The following CSMD1 variants were observed in gnomAD, a reference collection of about 807,000 sequenced individuals.
CSMD1 encodes the protein CUB and Sushi multiple domains 1, also known as CUB and sushi domain-containing protein 1.
CSMD1 carries 213 observed loss-of-function variants against 417.5 expected under a neutral mutation model. The ratio of observed to expected loss-of-function variants is 0.51; its 90% CI spans 0.46 to 0.57. The LOEUF is 0.57. Among genes scored for constraint, CSMD1 ranks in the 20% least tolerant of loss-of-function variants. CSMD1 has a pLI of 0.00. For synonymous variants in CSMD1, 2,862 were observed against 1,736.8 expected, an observed-to-expected ratio of 1.65 and a Z score of -16.11; for missense variants, 6,923 against 4,529.7, an observed-to-expected ratio of 1.53 and a Z score of -15.17.
At chr8:3,860,578 G>A (rs932040791) in intron 5 of CSMD1, among the ~76,000 whole-genome samples, 2 of 152,084 alleles carry the variant, frequency 1.3e-5, no homozygotes, top group African/African-American at 2.4e-5. Flanking sequence ...CATATGTATT[G>A]CTAACCATAT....
intron 3 of CSMD1, among the ~76,000 whole-genome samples, chr8:4,046,297 G>C (rs1322508579): frequency 6.6e-6 from 1 of 152,036 alleles, no homozygotes; most frequent in African/African-American, 2.4e-5. Flanking sequence ...TCTAACTTCA[G>C]TTATTTCTCT....
chr8:4,551,015 A>T (rs1424927906), intron 2 of CSMD1, among the ~76,000 whole-genome samples: 1 of 152,232 alleles, frequency 6.6e-6, no homozygotes, highest in East Asian at 1.9e-4. Flanking sequence ...ATCAGGATTT[A>T]TAAAATCCTG....
chr8:4,073,869 A>G (rs895221604), intron 3 of CSMD1, among the ~76,000 whole-genome samples: 2 of 152,156 alleles, frequency 1.3e-5, no homozygotes, highest in Non-Finnish European at 1.5e-5. Context: ...ATTCAGTAAT[A>G]TAGTCAATAA....
At chr8:4,810,513 T>C (rs1798836053) in intron 1 of CSMD1, among the ~76,000 whole-genome samples, 1 of 151,952 alleles carries the variant, frequency 6.6e-6, no homozygotes, top group Non-Finnish European at 1.5e-5. Context: ...TCTGTAACAC[T>C]TAGTAAAATA....
chr8:3,842,926 G>A (rs1202988461), intron 5 of CSMD1, among the ~76,000 whole-genome samples: 1 of 152,116 alleles, frequency 6.6e-6, no homozygotes, highest in Admixed American at 6.5e-5. Context: ...ACGCACTGAA[G>A]ATGTTCCTAG....
intron 1 of CSMD1, among the ~76,000 whole-genome samples, chr8:4,917,161 T>C (rs904589999): frequency 6.6e-5 from 10 of 152,186 alleles, no homozygotes; most frequent in Non-Finnish European, 2.9e-5. Context: ...CCTACTTGGC[T>C]GGAGCAGGAG....
chr8:3,548,352 G>A (rs193075984), intron 10 of CSMD1, among the ~76,000 whole-genome samples: 17 of 151,980 alleles, frequency 1.1e-4, no homozygotes, highest in Admixed American at 7.2e-4. Context: ...TTACGTGATC[G>A]AGTTCTTCAG....
At chr8:4,775,839 T>C (rs1796826822) in intron 1 of CSMD1, among the ~76,000 whole-genome samples, 1 of 152,086 alleles carries the variant, frequency 6.6e-6, no homozygotes, top group East Asian at 1.9e-4. Context: ...CCCTTAATAT[T>C]GTTAAGAAAT....
intron 3 of CSMD1, among the ~76,000 whole-genome samples, chr8:4,043,805 A>G (rs945995378): frequency 1.3e-5 from 2 of 152,208 alleles, no homozygotes; most frequent in African/African-American, 2.4e-5. Flanking sequence ...TTCAAACCTT[A>G]CACGTCTCCA....
At chr8:3,744,338 T>C (rs1001006946) in intron 6 of CSMD1, among the ~76,000 whole-genome samples, 1 of 152,118 alleles carries the variant, frequency 6.6e-6, no homozygotes, top group African/African-American at 2.4e-5. Flanking sequence ...TGATACCCTG[T>C]GGGCTTCCAC....
chr8:3,177,007 G>T (rs1820975247), intron 37 of CSMD1, among the ~76,000 whole-genome samples: 2 of 151,856 alleles, frequency 1.3e-5, no homozygotes, highest in Non-Finnish European at 2.9e-5. Flanking sequence ...TGAGCTTCTG[G>T]GCTCAAGCGA....
At chr8:4,645,265 G>A (rs756711615) in intron 1 of CSMD1, among the ~76,000 whole-genome samples, 4 of 151,888 alleles carry the variant, frequency 2.6e-5, no homozygotes, top group Non-Finnish European at 4.4e-5. Flanking sequence ...GGAACCTCAC[G>A]GATATGATGT....
chr8:3,899,200 C>A (rs976340126), intron 5 of CSMD1, among the ~76,000 whole-genome samples: 1 of 152,114 alleles, frequency 6.6e-6, no homozygotes, highest in Non-Finnish European at 1.5e-5. Context: ...GGCCAATCAA[C>A]AATGAACACA....
At chr8:4,048,128 T>G (rs1323467772) in intron 3 of CSMD1, among the ~76,000 whole-genome samples, 1 of 152,166 alleles carries the variant, frequency 6.6e-6, no homozygotes, top group African/African-American at 2.4e-5. Flanking sequence ...CTAAACATAC[T>G]TGCCTAAGGT....
intron 1 of CSMD1, among the ~76,000 whole-genome samples, chr8:4,954,315 G>C (rs1217003124): frequency 6.6e-6 from 1 of 152,132 alleles, no homozygotes; most frequent in East Asian, 1.9e-4. Context: ...TTTAAATAAA[G>C]GAAGCTTGTT....
At chr8:4,895,870 C>G (rs1182918541) in intron 1 of CSMD1, among the ~76,000 whole-genome samples, 1 of 152,040 alleles carries the variant, frequency 6.6e-6, no homozygotes, top group Non-Finnish European at 1.5e-5. Context: ...TTTCACTTGC[C>G]TTTTGTTACT....
chr8:3,675,581 C>A (rs1054977049), intron 7 of CSMD1, among the ~76,000 whole-genome samples: 2 of 151,896 alleles, frequency 1.3e-5, no homozygotes, highest in South Asian at 2.1e-4. Context: ...CATGCAGACA[C>A]GAGGGTTGAT....
chr8:4,760,675 C>T (rs2607553), intron 1 of CSMD1, among the ~76,000 whole-genome samples: 121,027 of 152,122 alleles, frequency 0.8, 48,254 homozygotes, highest in Admixed American at 0.84. Flanking sequence ...TTGTCTATTT[C>T]CTTTGTTCAT....
At chr8:3,079,232 G>C (rs1287248028) in intron 49 of CSMD1, among the ~76,000 whole-genome samples, 2 of 152,180 alleles carry the variant, frequency 1.3e-5, no homozygotes, top group African/African-American at 4.8e-5. Flanking sequence ...GCCAGTTTGA[G>C]CTATATGGAC....
Sources: gnomAD v4.1 joint callset for allele counts (sites outside exome capture counted in the v4.1 genomes callset) on GRCh38, gnomAD v4.1.1 for gene constraint, MANE v1.5 for transcripts, NCBI Gene and HGNC (gene_info 2026-07-23, HGNC 2026-07-21) for gene names.